The following CIMAP3 variants were observed in gnomAD, a reference collection of about 807,000 sequenced individuals.
CIMAP3 encodes the protein ciliary microtubule-associated protein 3.
At chr1:111,333,654 T>G in the CIMAP3 span, among the ~76,000 whole-genome samples, 2 of 152,180 alleles carry the variant, frequency 1.3e-5, no homozygotes, top group Non-Finnish European at 2.9e-5. Context: ...TTGATTCAGG[T>G]GGGGAAGGAG....
the CIMAP3 span, chr1:111,351,415 T>A: frequency 8.4e-7 from 1 of 1,184,098 alleles, no homozygotes; most frequent in Non-Finnish European, 1.2e-6. Context: ...TACGTTACTG[T>A]GGCCCTCTTG....
At chr1:111,342,287 A>T in the CIMAP3 span, among the ~76,000 whole-genome samples, 2 of 152,216 alleles carry the variant, frequency 1.3e-5, no homozygotes, top group Admixed American at 6.5e-5. Context: ...GAAAGAAAAA[A>T]ACTGCCAGCT....
the CIMAP3 span, chr1:111,351,166 GTTTTTT>G: frequency 7.2e-3 from 4,133 of 574,332 alleles, 1 homozygote; most frequent in East Asian, 0.014. Context: ...ATAATGTACA[GTTTTTT>G]TTTTTTTTTT....
At chr1:111,346,513 G>A in the CIMAP3 span, 7 of 1,354,786 alleles carry the variant, frequency 5.2e-6, no homozygotes, top group Non-Finnish European at 7.1e-6. Context: ...CCCCAGTAGT[G>A]GCTCGGTGGA....
At chr1:111,341,980 G>A in the CIMAP3 span, among the ~76,000 whole-genome samples, 6 of 151,918 alleles carry the variant, frequency 3.9e-5, no homozygotes, top group South Asian at 2.1e-4. Context: ...AGAGGGAGTC[G>A]AGCATGAGCA....
At chr1:111,346,977 G>A in the CIMAP3 span, 5 of 1,613,802 alleles carry the variant, frequency 3.1e-6, no homozygotes, top group Non-Finnish European at 4.2e-6. Flanking sequence ...TCCATCCCCC[G>A]AATTTGATTG....
chr1:111,350,291 C>T, the CIMAP3 span: 5 of 1,230,468 alleles, frequency 4.1e-6, no homozygotes. Context: ...ATTAGGGACT[C>T]TTAATTAGGG....
the CIMAP3 span, among the ~76,000 whole-genome samples, chr1:111,335,168 G>C: frequency 5.2e-5 from 6 of 115,966 alleles, no homozygotes; most frequent in Middle Eastern, 4.4e-3. Flanking sequence ...GAAAAAAAAA[G>C]AAACAGAGAA....
the CIMAP3 span, chr1:111,349,809 C>T: frequency 2.9e-5 from 7 of 241,242 alleles, no homozygotes; most frequent in East Asian, 2.4e-4. Context: ...CATCACCCAC[C>T]GCTTCTAGGA....
chr1:111,346,049 G>C, the CIMAP3 span, among the ~76,000 whole-genome samples: 1 of 152,072 alleles, frequency 6.6e-6, no homozygotes, highest in Non-Finnish European at 1.5e-5. Flanking sequence ...CTCTGATTCC[G>C]TGGCATTCTA....
chr1:111,350,042 T>C, the CIMAP3 span: 1 of 1,336,138 alleles, frequency 7.5e-7, no homozygotes, highest in Non-Finnish European at 1.1e-6. Flanking sequence ...ACGGCTCTGG[T>C]ACTGATGGAG....
the CIMAP3 span, among the ~76,000 whole-genome samples, chr1:111,330,544 G>A: frequency 6.6e-6 from 1 of 152,076 alleles, no homozygotes; most frequent in African/African-American, 2.4e-5. Context: ...GCTTGGTTAT[G>A]CAGCTTCCTA....
chr1:111,340,035 C>G, the CIMAP3 span, among the ~76,000 whole-genome samples: 1 of 151,780 alleles, frequency 6.6e-6, no homozygotes, highest in South Asian at 2.1e-4. Flanking sequence ...AGAACAGAGC[C>G]CTCAGGAATA....
chr1:111,330,520 G>C, the CIMAP3 span, among the ~76,000 whole-genome samples: 1 of 152,198 alleles, frequency 6.6e-6, no homozygotes, highest in Non-Finnish European at 1.5e-5. Flanking sequence ...TTATTGGTCA[G>C]TCAGTAGACT....
At chr1:111,333,668 C>T in the CIMAP3 span, among the ~76,000 whole-genome samples, 2 of 152,238 alleles carry the variant, frequency 1.3e-5, no homozygotes, top group African/African-American at 4.8e-5. Flanking sequence ...GAAGGAGAGG[C>T]TGCAGAGGAA....
At chr1:111,347,094 T>C in the CIMAP3 span, 2 of 1,530,538 alleles carry the variant, frequency 1.3e-6, no homozygotes, top group Middle Eastern at 1.8e-4. Flanking sequence ...TCCCCGGCTA[T>C]TGAGGGATAG....
the CIMAP3 span, among the ~76,000 whole-genome samples, chr1:111,333,974 A>G: frequency 0.7 from 106,602 of 151,766 alleles, 37,986 homozygotes; most frequent in South Asian, 0.79. Context: ...TTTATGTGGT[A>G]TGTGACTATA....
chr1:111,338,531 G>A, the CIMAP3 span, among the ~76,000 whole-genome samples: 22 of 151,920 alleles, frequency 1.4e-4, no homozygotes, highest in Non-Finnish European at 1.8e-4. Context: ...TATCACCACC[G>A]ATCCCACAGA....
the CIMAP3 span, among the ~76,000 whole-genome samples, chr1:111,341,986 G>C: frequency 1.3e-5 from 2 of 152,000 alleles, no homozygotes; most frequent in Non-Finnish European, 2.9e-5. Context: ...AGTCGAGCAT[G>C]AGCATGGGGT....
Sources: allele counts gnomAD v4.1 joint callset (sites outside exome capture counted in the v4.1 genomes callset), GRCh38; gene constraint gnomAD v4.1.1; transcripts MANE v1.5; gene names NCBI Gene and HGNC (gene_info 2026-07-23, HGNC 2026-07-21).